GRB10: variants seen among roughly 807,000 people sequenced by gnomAD.
GRB10 encodes the protein growth factor receptor bound protein 10.
Under a neutral mutation model 80.9 loss-of-function variants are expected in GRB10, and 20 were observed. That is an observed-to-expected ratio of 0.25 (90% confidence interval 0.17 to 0.36). The LOEUF (loss-of-function observed/expected upper bound fraction) is 0.36. Among genes scored for constraint, GRB10 ranks in the 10% least tolerant of loss-of-function variants. The pLI, the probability that GRB10 is intolerant of heterozygous loss-of-function variation, is 1.00. For missense variants in GRB10, 548 were observed against 747.7 expected (o/e 0.73, Z 3.12); for synonymous variants, 291 against 291.5 (o/e 1.00, Z 0.02).
intron 4 of GRB10, among the ~76,000 whole-genome samples, chr7:50,711,923 A>G (rs2065952031): frequency 6.6e-6 from 1 of 152,188 alleles, no homozygotes; most frequent in South Asian, 2.1e-4. Flanking sequence ...CAGATGAGGA[A>G]AAAGGAGGAC....
intron 3 of GRB10, among the ~76,000 whole-genome samples, chr7:50,742,314 C>CACATAT (rs1563676656): frequency 1.4e-5 from 2 of 147,916 alleles, no homozygotes; most frequent in African/African-American, 5.1e-5. Context: ...CACACACACA[C>CACATAT]ATACACGGCA....
intron 17 of GRB10, among the ~76,000 whole-genome samples, chr7:50,601,505 A>G (rs927406933): frequency 2.0e-5 from 3 of 152,242 alleles, no homozygotes; most frequent in Non-Finnish European, 4.4e-5. Context: ...ACCTGCCTGG[A>G]TTAATCCTTA....
At chr7:50,631,314 C>T (rs1385503983) in intron 7 of GRB10, among the ~76,000 whole-genome samples, 2 of 152,092 alleles carry the variant, frequency 1.3e-5, no homozygotes, top group Non-Finnish European at 2.9e-5. Flanking sequence ...TTCGAGCCCT[C>T]TGCAGCATAA....
At chr7:50,759,946 C>T (rs1331546480) in intron 2 of GRB10, among the ~76,000 whole-genome samples, 1 of 152,162 alleles carries the variant, frequency 6.6e-6, no homozygotes, top group Non-Finnish European at 1.5e-5. Flanking sequence ...CAAAACTTAG[C>T]CAAAATGTGT....
chr7:50,659,934 T>C (rs562010681), intron 7 of GRB10, among the ~76,000 whole-genome samples: 22 of 152,354 alleles, frequency 1.4e-4, no homozygotes, highest in African/African-American at 5.0e-4. Flanking sequence ...GGCACTGCTG[T>C]GGCACACTGA....
At chr7:50,723,295 G>A (rs893243084) in intron 4 of GRB10, among the ~76,000 whole-genome samples, 2 of 152,148 alleles carry the variant, frequency 1.3e-5, no homozygotes, top group African/African-American at 4.8e-5. Flanking sequence ...TAAACAACAG[G>A]TACAATTCTC....
At chr7:50,748,545 G>A (rs2073438206) in intron 3 of GRB10, among the ~76,000 whole-genome samples, 1 of 152,208 alleles carries the variant, frequency 6.6e-6, no homozygotes, top group African/African-American at 2.4e-5. Context: ...GATGGGGTCG[G>A]GTAAAAACAA....
chr7:50,760,964 A>G (rs985491625), intron 2 of GRB10, among the ~76,000 whole-genome samples: 3 of 152,238 alleles, frequency 2.0e-5, no homozygotes, highest in East Asian at 1.9e-4. Context: ...ATGCTTTACA[A>G]TCTCTCATGG....
chr7:50,743,208 C>A (rs1300747632), intron 3 of GRB10, among the ~76,000 whole-genome samples: 1 of 152,168 alleles, frequency 6.6e-6, no homozygotes, highest in African/African-American at 2.4e-5. Context: ...TCCAACTGCA[C>A]ATTATTAGGT....
At chr7:50,685,987 AG>A (rs1292334952) in intron 5 of GRB10, among the ~76,000 whole-genome samples, 2 of 152,166 alleles carry the variant, frequency 1.3e-5, no homozygotes, top group Non-Finnish European at 2.9e-5. Context: ...GGGGCCACCT[AG>A]GAACTTCTGG....
intron 4 of GRB10, chr7:50,710,764 C>T: frequency 8.3e-7 from 1 of 1,202,210 alleles, no homozygotes; most frequent in Non-Finnish European, 1.2e-6. Flanking sequence ...CTTCCTGAGG[C>T]AGAACGACCA....
rs191574276 is a variant in GRB10 at position 50,594,211 on chromosome 7, C to T, written c.1639-1113G>A. 4.0e-3 allele frequency among the ~76,000 whole-genome samples: 615 copies of T among 152,290 alleles called. 3 individuals carry two copies. Among genetic ancestry groups the T allele is most frequent in the South Asian group, 0.02 (95 of 4,822 alleles). ...CCAGATTCTGTTCCTCACCCCAGTG[C>T]GGTGCAGGAAAAGCCACTGACAGCC... On this transcript the variant is annotated intron_variant, in intron 18 of 18. Transcript: ENST00000401949.
chr7:50,618,773 T>C (rs1469951211), intron 9 of GRB10, among the ~76,000 whole-genome samples: 1 of 152,250 alleles, frequency 6.6e-6, no homozygotes, highest in East Asian at 1.9e-4. Flanking sequence ...CTGATTTCTC[T>C]AGTCATTCTT....
At chr7:50,706,974 G>C (rs573814877) in intron 4 of GRB10, among the ~76,000 whole-genome samples, 1 of 152,340 alleles carries the variant, frequency 6.6e-6, no homozygotes, top group Admixed American at 6.5e-5. Context: ...TTTTTACGCA[G>C]TAGGCAAGTA....
At chr7:50,688,281 G>A (rs2062345848) in intron 5 of GRB10, among the ~76,000 whole-genome samples, 1 of 152,146 alleles carries the variant, frequency 6.6e-6, no homozygotes, top group Non-Finnish European at 1.5e-5. Context: ...TGGGCTTAAG[G>A]AACATAAACT....
chr7:50,694,934 C>G (rs1305920607), intron 5 of GRB10, among the ~76,000 whole-genome samples: 1 of 152,208 alleles, frequency 6.6e-6, no homozygotes, highest in Admixed American at 6.5e-5. Context: ...TCTCTAAAAA[C>G]TTGACAATGA....
chr7:50,621,303 A>AG (rs1242094445), intron 8 of GRB10, among the ~76,000 whole-genome samples: 2 of 152,358 alleles, frequency 1.3e-5, no homozygotes, highest in Non-Finnish European at 2.9e-5. Context: ...GCCCTGGCAA[A>AG]GGGGGGCCCA....
intron 2 of GRB10, among the ~76,000 whole-genome samples, chr7:50,777,037 T>C (rs545332072): frequency 1.0e-4 from 5 of 49,722 alleles, no homozygotes; most frequent in Non-Finnish European, 2.2e-4. Context: ...ACTCTCAGTA[T>C]CAATTTCTGT....
intron 5 of GRB10, among the ~76,000 whole-genome samples, chr7:50,689,817 T>G (rs1219466316): frequency 9.6e-5 from 14 of 145,138 alleles, no homozygotes; most frequent in Admixed American, 9.6e-4. Flanking sequence ...TGACAGAGGG[T>G]TTTTTTTTTT....
Sources: allele counts gnomAD v4.1 joint callset (sites outside exome capture counted in the v4.1 genomes callset), GRCh38; gene constraint gnomAD v4.1.1; transcripts MANE v1.5; gene names NCBI Gene and HGNC (gene_info 2026-07-23, HGNC 2026-07-21).